The following SLC39A11 variants were observed in gnomAD, a reference collection of about 807,000 sequenced individuals.
SLC39A11 encodes zinc transporter ZIP11.
SLC39A11 carries 33 observed loss-of-function variants against 36.1 expected under a neutral mutation model. The ratio of observed to expected loss-of-function variants is 0.91; its 90% CI spans 0.69 to 1.22. The LOEUF (loss-of-function observed/expected upper bound fraction) is 1.22. Among genes scored for constraint, SLC39A11 ranks in the 50% most tolerant of loss-of-function variants. SLC39A11 has a pLI of 0.00. For synonymous variants in SLC39A11, 166 were observed against 170.3 expected (o/e 0.97, Z 0.20); for missense variants, 432 against 430.3 (o/e 1.00, Z -0.03).
At position 73,045,386 on chromosome 17, in the gene SLC39A11, TAAAAA is replaced by T. The variant is rs374832995; in HGVS notation, c.148-13677_148-13673del. Among the ~76,000 whole-genome samples, 235 of 41,722 alleles carry T rather than the reference TAAAAA, an allele frequency of 5.6e-3. 1 individual carries two copies. The highest frequency in any genetic ancestry group is 0.018 in the African/African-American group (162 of 8,854). The allele number at this position is 41,722 out of a possible 152,430, so 27.4% of individuals were successfully genotyped here. On this transcript the variant is annotated intron_variant, in intron 3 of 9. Transcript: ENST00000255559. Reference sequence around the variant, plus strand: ...ACCTCCAGTGCCATGAAAACAGAGTTAAAAAAAAAAAAAAAAAAAAAAAAAAGCCT... The same window carrying T: ...ACCTCCAGTGCCATGAAAACAGAGTTAAAAAAAAAAAAAAAAAAAAAGCCT...
intron 5 of SLC39A11, among the ~76,000 whole-genome samples, chr17:72,891,225 C>T (rs1044794353): frequency 6.6e-6 from 1 of 152,028 alleles, no homozygotes; most frequent in Non-Finnish European, 1.5e-5. Context: ...AGTTCAAGAC[C>T]AGCCTGATCA....
chr17:73,018,820 C>A (rs1598876912), intron 4 of SLC39A11, among the ~76,000 whole-genome samples: 1 of 148,244 alleles, frequency 6.7e-6, no homozygotes, highest in African/African-American at 2.5e-5. Flanking sequence ...TGAGAAGAAA[C>A]AAGAAAATGT....
At chr17:72,669,927 CATATATACGTATAGATGTATATACACAT>C (rs1188661922) in intron 7 of SLC39A11, among the ~76,000 whole-genome samples, 149 of 148,600 alleles carry the variant, frequency 1.0e-3, no homozygotes, top group African/African-American at 1.7e-3. Flanking sequence ...TGTATATACA[CATATATACGTATAGATGTATATACACAT>C]ATATATACGT....
At chr17:73,060,651 G>C (rs1301336127) in intron 3 of SLC39A11, among the ~76,000 whole-genome samples, 3 of 151,382 alleles carry the variant, frequency 2.0e-5, no homozygotes, top group Non-Finnish European at 4.4e-5. Flanking sequence ...CTTGTAAAGG[G>C]GAGATATTAT....
chr17:72,780,555 T>G, intron 6 of SLC39A11, among the ~76,000 whole-genome samples: 1 of 151,484 alleles, frequency 6.6e-6, no homozygotes, highest in Non-Finnish European at 1.5e-5. Context: ...TGTGTCTGCT[T>G]TGTTATCTTG....
chr17:72,786,863 G>A (rs914178996), intron 6 of SLC39A11, among the ~76,000 whole-genome samples: 4 of 151,944 alleles, frequency 2.6e-5, no homozygotes, highest in South Asian at 2.1e-4. Flanking sequence ...TTTTTCACCC[G>A]GGCTGAAGTG....
At chr17:72,771,074 G>A (rs1454269062) in intron 6 of SLC39A11, among the ~76,000 whole-genome samples, 1 of 145,386 alleles carries the variant, frequency 6.9e-6, no homozygotes, top group African/African-American at 2.6e-5. Context: ...TTTTTTTTAT[G>A]TGCGTGTTGC....
In SLC39A11 at chr17:72,995,635, C is replaced by T. The variant is rs529204497; in HGVS notation, c.306+35921G>A. ...GAAGAACCATGAATTCACTCTCTCT[C>T]GGCTTGAGTTGAGACATCCATCTTT... On this transcript the variant is annotated intron_variant, in intron 4 of 9. Transcript: ENST00000255559. 1.1e-4 allele frequency among the ~76,000 whole-genome samples: 17 copies of T among 152,342 alleles called. 1 individual carries two copies. In the South Asian group the frequency reaches 3.1e-3, roughly 28 times the overall value.
At chr17:72,858,244 A>G (rs1338521074) in intron 5 of SLC39A11, among the ~76,000 whole-genome samples, 1 of 152,126 alleles carries the variant, frequency 6.6e-6, no homozygotes, top group East Asian at 1.9e-4. Flanking sequence ...TCCTTTCCCA[A>G]TTGCTTATTT....
chr17:72,719,978 A>G (rs1178769059), intron 7 of SLC39A11, among the ~76,000 whole-genome samples: 2 of 152,080 alleles, frequency 1.3e-5, no homozygotes, highest in Admixed American at 1.3e-4. Context: ...GGGGCCCCCA[A>G]ATGAGTCCAG....
intron 6 of SLC39A11, among the ~76,000 whole-genome samples, chr17:72,787,929 T>C (rs1029570781): frequency 1.3e-5 from 2 of 152,218 alleles, no homozygotes; most frequent in African/African-American, 4.8e-5. Context: ...CTCTCTGTTG[T>C]AGGTAGATAT....
chr17:72,883,895 C>T (rs979349553), intron 5 of SLC39A11, among the ~76,000 whole-genome samples: 2 of 152,182 alleles, frequency 1.3e-5, no homozygotes, highest in African/African-American at 2.4e-5. Context: ...TGGCTCAAGC[C>T]TGTAATCCCA....
chr17:72,811,287 T>G (rs2077427660), intron 6 of SLC39A11, among the ~76,000 whole-genome samples: 1 of 152,152 alleles, frequency 6.6e-6, no homozygotes, highest in African/African-American at 2.4e-5. Flanking sequence ...ATGGGGCCTC[T>G]CTTTTAAGGG....
intron 3 of SLC39A11, among the ~76,000 whole-genome samples, chr17:73,050,248 G>A (rs141149784): frequency 6.9e-6 from 1 of 145,024 alleles, no homozygotes; most frequent in African/African-American, 2.5e-5. Flanking sequence ...TGAATGGTGA[G>A]AAGGAGCCAT....
intron 5 of SLC39A11, among the ~76,000 whole-genome samples, chr17:72,881,033 G>A (rs916980149): frequency 2.9e-5 from 2 of 67,826 alleles, no homozygotes; most frequent in Non-Finnish European, 5.1e-5. Flanking sequence ...GGATATGGAG[G>A]AGATGGAACT....
At chr17:72,700,883 C>A (rs116564317) in intron 7 of SLC39A11, among the ~76,000 whole-genome samples, 1 of 152,192 alleles carries the variant, frequency 6.6e-6, no homozygotes, top group Admixed American at 6.5e-5. Context: ...ATATGGGAAA[C>A]CACCCCCATG....
At chr17:72,840,161 A>G (rs1035858127) in intron 6 of SLC39A11, among the ~76,000 whole-genome samples, 1 of 152,128 alleles carries the variant, frequency 6.6e-6, no homozygotes, top group Non-Finnish European at 1.5e-5. Context: ...AATCCCAAGC[A>G]TTTCTTTGAA....
chr17:72,957,826 A>T (rs1315203621), intron 4 of SLC39A11, among the ~76,000 whole-genome samples: 1 of 151,576 alleles, frequency 6.6e-6, no homozygotes, highest in African/African-American at 2.4e-5. Context: ...CTCAAAAAAA[A>T]AAAACAAACA....
chr17:72,931,910 T>C (rs1306560336), intron 5 of SLC39A11, among the ~76,000 whole-genome samples: 1 of 151,926 alleles, frequency 6.6e-6, no homozygotes, highest in African/African-American at 2.4e-5. Context: ...CCATGAGCCA[T>C]GCTCCTACCA....
Sources: gnomAD v4.1 joint callset for allele counts (sites outside exome capture counted in the v4.1 genomes callset) on GRCh38, gnomAD v4.1.1 for gene constraint, MANE v1.5 for transcripts, NCBI Gene and HGNC (gene_info 2026-07-23, HGNC 2026-07-21) for gene names.